Variants in ROBO1 observed in about 807,000 individuals in gnomAD.
ROBO1 encodes the protein roundabout guidance receptor 1.
Under a neutral mutation model 195.9 loss-of-function variants are expected in ROBO1, and 149 were observed. The observed-to-expected ratio is 0.76, with a 90% confidence interval of 0.67 to 0.87. ROBO1 has a LOEUF of 0.87. Ranked by LOEUF, ROBO1 falls within the 40% of genes least tolerant of loss-of-function variation. ROBO1 has a pLI of 0.00. For missense variants in ROBO1, 1,933 were observed against 2,068.3 expected (o/e 0.93, Z 1.27); for synonymous variants, 816 against 733.2 (o/e 1.11, Z -1.82).
chr3:78,857,796 G>T (rs1440484970), intron 4 of ROBO1, among the ~76,000 whole-genome samples: 27 of 152,134 alleles, frequency 1.8e-4, no homozygotes. Context: ...AACCCAGGTT[G>T]GTCTCCCTCT....
chr3:79,304,074 T>C (rs1427868563), intron 2 of ROBO1, among the ~76,000 whole-genome samples: 1 of 152,234 alleles, frequency 6.6e-6, no homozygotes, highest in Non-Finnish European at 1.5e-5. Flanking sequence ...TAAACTGTAA[T>C]TTTAGATGGA....
At chr3:79,182,392 C>G (rs2081356257) in intron 2 of ROBO1, among the ~76,000 whole-genome samples, 1 of 152,124 alleles carries the variant, frequency 6.6e-6, no homozygotes, top group Non-Finnish European at 1.5e-5. Context: ...TGCAGAGGAC[C>G]GTGTCAAGAC....
At chr3:79,553,717 A>G (rs981199308) in intron 2 of ROBO1, among the ~76,000 whole-genome samples, 10 of 152,128 alleles carry the variant, frequency 6.6e-5, no homozygotes, top group African/African-American at 2.4e-4. Context: ...TTTTAAAGTA[A>G]TGGGTGCTAT....
intron 10 of ROBO1, among the ~76,000 whole-genome samples, chr3:78,671,264 C>T (rs1407829343): frequency 6.6e-6 from 1 of 151,394 alleles, no homozygotes; most frequent in African/African-American, 2.4e-5. Flanking sequence ...GTGTTCCCAT[C>T]CCCTGACTTA....
intron 3 of ROBO1, among the ~76,000 whole-genome samples, chr3:78,965,442 C>T (rs988932553): frequency 2.6e-5 from 4 of 151,860 alleles, no homozygotes; most frequent in Admixed American, 1.3e-4. Flanking sequence ...TTTTATAAAG[C>T]GATAAAATAT....
chr3:78,770,923 CT>C (rs1030678378), intron 4 of ROBO1, among the ~76,000 whole-genome samples: 5 of 151,928 alleles, frequency 3.3e-5, no homozygotes, highest in African/African-American at 1.2e-4. Flanking sequence ...AAAAAAATAG[CT>C]GGGAATGTTG....
At chr3:78,602,029 AT>A (rs1703202966) in intron 29 of ROBO1, among the ~76,000 whole-genome samples, 1 of 122,738 alleles carries the variant, frequency 8.1e-6, no homozygotes, top group South Asian at 3.0e-4. Flanking sequence ...ATGTATGTAT[AT>A]CATTCATGTG....
At chr3:79,586,944 A>C (rs1458429806) in intron 2 of ROBO1, among the ~76,000 whole-genome samples, 1 of 151,906 alleles carries the variant, frequency 6.6e-6, no homozygotes, top group Non-Finnish European at 1.5e-5. Flanking sequence ...AACATGAAAA[A>C]CATCTACCAG....
At chr3:78,952,757 G>C (rs1243827353) in intron 3 of ROBO1, among the ~76,000 whole-genome samples, 2 of 151,930 alleles carry the variant, frequency 1.3e-5, no homozygotes, top group African/African-American at 4.8e-5. Context: ...CAAGGAAAAT[G>C]GAATGGATTA....
chr3:78,870,628 A>T (rs146356872), intron 4 of ROBO1, among the ~76,000 whole-genome samples: 181 of 152,328 alleles, frequency 1.2e-3, no homozygotes, highest in African/African-American at 4.3e-3. Context: ...CAGAAGCACT[A>T]GAACAAACTT....
At chr3:78,753,779 C>A (rs1238178293) in intron 4 of ROBO1, among the ~76,000 whole-genome samples, 3 of 152,112 alleles carry the variant, frequency 2.0e-5, no homozygotes, top group African/African-American at 7.2e-5. Flanking sequence ...AGTTAATATT[C>A]AGTGGACTTG....
chr3:79,702,698 G>T (rs1195031240), intron 1 of ROBO1, among the ~76,000 whole-genome samples: 1 of 151,964 alleles, frequency 6.6e-6, no homozygotes, highest in Non-Finnish European at 1.5e-5. Flanking sequence ...CAACTAGTAA[G>T]CAACAGAGTC....
At chr3:79,743,606 A>T (rs1703742081) in intron 1 of ROBO1, among the ~76,000 whole-genome samples, 1 of 152,196 alleles carries the variant, frequency 6.6e-6, no homozygotes, top group South Asian at 2.1e-4. Context: ...TTCTTTGTAA[A>T]CTTTTCAATA....
chr3:78,946,876 G>C (rs1029368970), intron 3 of ROBO1, among the ~76,000 whole-genome samples: 2 of 152,250 alleles, frequency 1.3e-5, no homozygotes, highest in South Asian at 2.1e-4. Context: ...TGCAATCCTA[G>C]TCTCTGATAA....
chr3:79,024,511 G>A (rs2078165585), intron 3 of ROBO1, among the ~76,000 whole-genome samples: 1 of 152,112 alleles, frequency 6.6e-6, no homozygotes, highest in Non-Finnish European at 1.5e-5. Context: ...CAGTAGCCAG[G>A]GAACTTATAT....
intron 2 of ROBO1, among the ~76,000 whole-genome samples, chr3:79,343,037 G>T (rs2109231959): frequency 6.6e-6 from 1 of 152,152 alleles, no homozygotes; most frequent in South Asian, 2.1e-4. Flanking sequence ...AACAACAATT[G>T]TTCTCTTCAC....
intron 2 of ROBO1, among the ~76,000 whole-genome samples, chr3:79,141,240 G>A (rs1445945720): frequency 6.6e-6 from 1 of 151,982 alleles, no homozygotes; most frequent in South Asian, 2.1e-4. Context: ...GCCCTCCCTC[G>A]TGTGTCCTGT....
intron 3 of ROBO1, among the ~76,000 whole-genome samples, chr3:78,962,685 C>T (rs2041425999): frequency 1.3e-5 from 2 of 151,876 alleles, no homozygotes; most frequent in Non-Finnish European, 2.9e-5. Flanking sequence ...ATTAGCCAGG[C>T]GTGGTGGCGG....
At chr3:78,634,509 G>A (rs1231795924) in intron 23 of ROBO1, 1 of 360,392 alleles carries the variant, frequency 2.8e-6, no homozygotes, top group Admixed American at 2.7e-5. Flanking sequence ...TGCATTCCAG[G>A]TTCTTTATTA....
Sources: gnomAD v4.1 joint callset for allele counts (sites outside exome capture counted in the v4.1 genomes callset) on GRCh38, gnomAD v4.1.1 for gene constraint, MANE v1.5 for transcripts, NCBI Gene and HGNC (gene_info 2026-07-23, HGNC 2026-07-21) for gene names.